Variants in ZNRF2 observed in about 807,000 individuals in gnomAD.
The protein encoded by ZNRF2 is zinc and ring finger 2.
In ZNRF2, 16 loss-of-function variants were observed where a neutral mutation model predicts 20.4. That is an observed-to-expected ratio of 0.79 (90% CI 0.53 to 1.19). ZNRF2 has a LOEUF of 1.19. Among genes scored for constraint, ZNRF2 ranks in the 50% most tolerant of loss-of-function variants. ZNRF2 has a pLI of 0.00. For synonymous variants in ZNRF2, 178 were observed against 144.9 expected (o/e 1.23, Z -1.64); for missense variants, 363 against 332.4 (o/e 1.09, Z -0.72).
At chr7:30,359,998 A>G (rs892915982) in intron 3 of ZNRF2, among the ~76,000 whole-genome samples, 6 of 152,334 alleles carry the variant, frequency 3.9e-5, no homozygotes, top group Non-Finnish European at 8.8e-5. Context: ...AGGACCCTCA[A>G]TTGGCCAATA....
chr7:30,360,050 G>A (rs765667092), intron 3 of ZNRF2, among the ~76,000 whole-genome samples: 1 of 152,160 alleles, frequency 6.6e-6, no homozygotes, highest in Non-Finnish European at 1.5e-5. Flanking sequence ...CCCTGTAATA[G>A]CTGTGTGGAG....
chr7:30,324,328 G>A (rs1258795008), intron 2 of ZNRF2, among the ~76,000 whole-genome samples: 1 of 150,760 alleles, frequency 6.6e-6, no homozygotes, highest in African/African-American at 2.4e-5. Context: ...GAGATCCCAA[G>A]TTTGAGACCA....
chr7:30,285,562 G>GCGGCGGCCCCGGCGGCCC lies in ZNRF2; in HGVS notation c.218_219insGGCCCCGGCGGCCCCGGC (p.Ala73_Pro78dup), dbSNP rs1172820621. ...CGCCTCCGGCGGCGCCGCGGCGGCC[G>GCGGCGGCCCCGGCGGCCC]CGGCGGCCCCGGCAGCCCCGGCGGC... is the stretch of plus-strand genomic sequence containing the variant. On this transcript the variant is annotated inframe_insertion, in exon 1 of 5. Coordinates refer to ENST00000323037, the MANE Select transcript of ZNRF2 (RefSeq NM_147128.4). The GCGGCGGCCCCGGCGGCCC allele has an allele frequency of 2.1e-6, 2 of 974,258 alleles. No individual in the cohort carries two copies. The highest frequency in any genetic ancestry group is 1.2e-4 in the East Asian group (1 of 8,464). 60.4% of individuals were successfully genotyped at this position (974,258 alleles called of 1,614,324 possible). A position where few individuals can be genotyped will look rare whatever the true frequency, so the allele number is the denominator to read the frequency against.
chr7:30,322,539 C>T (rs1457045598), intron 1 of ZNRF2, among the ~76,000 whole-genome samples: 12 of 152,154 alleles, frequency 7.9e-5, no homozygotes, highest in Non-Finnish European at 1.6e-4. Context: ...TCTGTTCTCT[C>T]GTAAGTTCAG....
intron 1 of ZNRF2, among the ~76,000 whole-genome samples, chr7:30,321,291 A>G (rs1344283121): frequency 6.6e-6 from 1 of 152,092 alleles, no homozygotes; most frequent in Non-Finnish European, 1.5e-5. Context: ...TTGGGAAGTC[A>G]TGGAGCTCCA....
chr7:30,327,461 C>A (rs962307848), intron 2 of ZNRF2, among the ~76,000 whole-genome samples: 1 of 151,916 alleles, frequency 6.6e-6, no homozygotes, highest in African/African-American at 2.4e-5. Context: ...TTCTTAATTT[C>A]CTGATTTAAC....
intron 1 of ZNRF2, among the ~76,000 whole-genome samples, chr7:30,319,367 T>A (rs1039590278): frequency 4.9e-4 from 74 of 152,204 alleles, no homozygotes; most frequent in African/African-American, 1.6e-3. Flanking sequence ...ATATACATTA[T>A]AATCTTTAAT....
chr7:30,318,815 G>C (rs905255654), intron 1 of ZNRF2, among the ~76,000 whole-genome samples: 5 of 152,160 alleles, frequency 3.3e-5, no homozygotes, highest in Non-Finnish European at 7.3e-5. Flanking sequence ...TATTATTAAA[G>C]AATGTCATTA....
intron 2 of ZNRF2, among the ~76,000 whole-genome samples, chr7:30,338,389 A>G (rs139000723): frequency 1.3e-5 from 2 of 151,418 alleles, no homozygotes; most frequent in Non-Finnish European, 2.9e-5. Context: ...CTTCATCTAT[A>G]GTAGGTGTAT....
intron 3 of ZNRF2, among the ~76,000 whole-genome samples, chr7:30,357,371 T>C (rs1800057433): frequency 6.6e-6 from 1 of 152,154 alleles, no homozygotes; most frequent in Admixed American, 6.5e-5. Context: ...ATACATACTT[T>C]TGAGTAACTT....
chr7:30,327,051 G>T (rs900608696), intron 2 of ZNRF2, among the ~76,000 whole-genome samples: 4 of 152,018 alleles, frequency 2.6e-5, no homozygotes, highest in Non-Finnish European at 5.9e-5. Flanking sequence ...CAGATGCTTC[G>T]TTTGCAAAAA....
intron 1 of ZNRF2, among the ~76,000 whole-genome samples, chr7:30,293,976 G>A (rs1035852436): frequency 1.3e-5 from 2 of 152,114 alleles, no homozygotes; most frequent in Non-Finnish European, 2.9e-5. Context: ...ATGAAGCCAT[G>A]CATACATAAT....
intron 1 of ZNRF2, among the ~76,000 whole-genome samples, chr7:30,316,253 A>G (rs1275999856): frequency 7.8e-6 from 1 of 128,950 alleles, no homozygotes; most frequent in African/African-American, 2.9e-5. Context: ...GCACCACTGT[A>G]CTCCAGCCTG....
chr7:30,288,657 G>A (rs1798841652), intron 1 of ZNRF2: 1 of 152,184 alleles, frequency 6.6e-6, no homozygotes, highest in Non-Finnish European at 1.5e-5. Context: ...ATTTCAGTGT[G>A]TAGAAATTTC....
At chr7:30,333,657 C>T (rs530259207) in intron 2 of ZNRF2, among the ~76,000 whole-genome samples, 45 of 152,306 alleles carry the variant, frequency 3.0e-4, no homozygotes, top group African/African-American at 9.4e-4. Flanking sequence ...CATTAGCCAT[C>T]GCACCCAGCC....
At chr7:30,341,555 TC>T (rs1204631538) in intron 2 of ZNRF2, among the ~76,000 whole-genome samples, 1 of 151,824 alleles carries the variant, frequency 6.6e-6, no homozygotes, top group Non-Finnish European at 1.5e-5. Context: ...AATCCTGAGT[TC>T]TAATTTGATT....
intron 1 of ZNRF2, among the ~76,000 whole-genome samples, chr7:30,287,997 G>A (rs990330442): frequency 2.6e-5 from 4 of 152,160 alleles, no homozygotes; most frequent in African/African-American, 9.7e-5. Context: ...TGAAATCTCT[G>A]TTGAGGCAGG....
chr7:30,329,354 T>C (rs1380900371), intron 2 of ZNRF2, among the ~76,000 whole-genome samples: 1 of 152,202 alleles, frequency 6.6e-6, no homozygotes, highest in Non-Finnish European at 1.5e-5. Flanking sequence ...ACTATAGTTG[T>C]CCTGTTGTGC....
chr7:30,323,652 C>T lies in ZNRF2; in HGVS notation c.480C>T (p.Cys160=). The change falls in exon 2 of 5, where the codon TGC becomes TGT. Residue 160 remains cysteine, a synonymous_variant. Transcript: ENST00000323037. ...TCTTTTGTTTTTTAGGATTTAAGTG[C>T]CCTGTATGCTCAAAATTTGTATCCT... ...LSPHMFGGFK[C]PVCSKFVSSD... 1 of 1,595,914 alleles carries T rather than the reference C, an allele frequency of 6.3e-7. No homozygotes were observed. Among genetic ancestry groups the T allele is most frequent in the African/African-American group, 1.4e-5 (1 of 74,014 alleles).
Sources: allele counts gnomAD v4.1 joint callset (sites outside exome capture counted in the v4.1 genomes callset), GRCh38; gene constraint gnomAD v4.1.1; transcripts MANE v1.5; gene names NCBI Gene and HGNC (gene_info 2026-07-23, HGNC 2026-07-21).